The following NAALADL2 variants were observed in gnomAD, a reference collection of about 807,000 sequenced individuals.
NAALADL2 encodes inactive N-acetylated-alpha-linked acidic dipeptidase-like protein 2.
Under a neutral mutation model 87.2 loss-of-function variants are expected in NAALADL2, and 76 were observed. The ratio of observed to expected loss-of-function variants is 0.87; its 90% confidence interval spans 0.72 to 1.05. The LOEUF is 1.05. Among genes scored for constraint, NAALADL2 ranks in the 50% least tolerant of loss-of-function variants. The probability of loss-of-function intolerance (pLI) is 0.00; values close to 1 mark genes in which losing one functional copy is unlikely to be tolerated. For synonymous variants in NAALADL2, 354 were observed against 331.0 expected (o/e 1.07, Z -0.75); for missense variants, 1,089 against 945.8 (o/e 1.15, Z -1.99).
upstream of NAALADL2, among the ~76,000 whole-genome samples, chr3:174,857,573 G>A (rs1560292325): frequency 6.6e-6 from 1 of 152,128 alleles, no homozygotes; most frequent in Non-Finnish European, 1.5e-5. Flanking sequence ...TGATATGTGT[G>A]TTGGTCCTTT....
At chr3:175,624,246 T>C (rs999138848) in intron 10 of NAALADL2, among the ~76,000 whole-genome samples, 2 of 151,512 alleles carry the variant, frequency 1.3e-5, no homozygotes, top group African/African-American at 4.8e-5. Flanking sequence ...CCTCAGTCAT[T>C]TTTTTAAGTC....
chr3:175,413,369 A>C (rs561599934), intron 5 of NAALADL2, among the ~76,000 whole-genome samples: 35 of 151,054 alleles, frequency 2.3e-4, no homozygotes, highest in Non-Finnish European at 4.4e-4. Context: ...CAAGAGATAG[A>C]GACCATCCTG....
At chr3:174,527,551 TC>T (rs1328167649) in intron 1 of NAALADL2, among the ~76,000 whole-genome samples, 1 of 152,038 alleles carries the variant, frequency 6.6e-6, no homozygotes, top group Non-Finnish European at 1.5e-5. Flanking sequence ...CTTTTATTTT[TC>T]TTTTTAAGTG....
At chr3:175,078,927 C>T (rs1164604001) in intron 1 of NAALADL2, among the ~76,000 whole-genome samples, 2 of 152,166 alleles carry the variant, frequency 1.3e-5, no homozygotes, top group East Asian at 3.8e-4. Context: ...GTTATGTTTT[C>T]ATTTCTCTTG....
At chr3:174,492,283 G>T (rs73172531) in intron 1 of NAALADL2, among the ~76,000 whole-genome samples, 1 of 78,908 alleles carries the variant, frequency 1.3e-5, no homozygotes, top group Admixed American at 1.3e-4. Context: ...AAAAAAAAAA[G>T]AAAAAAAGAA....
At chr3:174,738,354 A>G (rs963963703) in intron 3 of NAALADL2, among the ~76,000 whole-genome samples, 1 of 152,220 alleles carries the variant, frequency 6.6e-6, no homozygotes, top group Non-Finnish European at 1.5e-5. Flanking sequence ...AGCCAGTATA[A>G]CCACCAACAC....
At position 175,398,827 on chromosome 3, in the gene NAALADL2, A is replaced by G. The variant is rs74750853; in HGVS notation, c.1091-48402A>G. Among the ~76,000 whole-genome samples, 671 of 152,108 alleles carry G rather than the reference A, an allele frequency of 4.4e-3. 12 individuals carry two copies. Among genetic ancestry groups the G allele is most frequent in the African/African-American group, 0.015 (643 of 41,502 alleles). ...TTATTATTGTATGAATACACTATTT[A>G]TGTTACAGGATAGGGGTCCCGATCC... On this transcript the variant is annotated intron_variant, in intron 5 of 13. Coordinates refer to ENST00000454872, the MANE Select transcript of NAALADL2 (RefSeq NM_207015.3).
intron 1 of NAALADL2, among the ~76,000 whole-genome samples, chr3:175,012,768 AT>A (rs892973516): frequency 1.4e-4 from 21 of 151,986 alleles, no homozygotes; most frequent in Middle Eastern, 3.4e-3. Context: ...GCCTCAAAGC[AT>A]AAGTACCCAG....
chr3:175,075,330 G>A lies in NAALADL2; in HGVS notation c.44-21460G>A, dbSNP rs189522560. On this transcript the variant is annotated intron_variant, in intron 1 of 13. Transcript: ENST00000454872. ...TCTCTTTTAGTCTGCTTTATGCAAA[G>A]CTTATTATGTTGTTACATATCAGTC... Among the ~76,000 whole-genome samples the A allele has an allele frequency of 3.4e-3, 522 of 151,614 alleles. 3 individuals are homozygous for A. Among genetic ancestry groups the A allele is most frequent in the Admixed American group, 5.1e-3 (78 of 15,260 alleles).
At chr3:174,499,415 A>G (rs947258084) in intron 1 of NAALADL2, among the ~76,000 whole-genome samples, 17 of 152,162 alleles carry the variant, frequency 1.1e-4, no homozygotes, top group Non-Finnish European at 1.3e-4. Context: ...TAGCAGAAGT[A>G]TTTAATTTTG....
intron 1 of NAALADL2, among the ~76,000 whole-genome samples, chr3:175,084,107 G>A (rs1445124224): frequency 6.6e-6 from 1 of 152,152 alleles, no homozygotes; most frequent in Non-Finnish European, 1.5e-5. Flanking sequence ...TGCAGAATAG[G>A]ATTTTAAGCA....
At chr3:174,938,508 T>C (rs1738050486) in intron 1 of NAALADL2, among the ~76,000 whole-genome samples, 2 of 152,106 alleles carry the variant, frequency 1.3e-5, no homozygotes, top group South Asian at 2.1e-4. Context: ...GTCTGTATGA[T>C]AGAATGATTT....
chr3:174,612,523 A>C (rs1333786791), intron 2 of NAALADL2, among the ~76,000 whole-genome samples: 1 of 151,984 alleles, frequency 6.6e-6, no homozygotes, highest in Non-Finnish European at 1.5e-5. Context: ...CAAATAGCCT[A>C]CCTTCAAGCT....
intron 1 of NAALADL2, among the ~76,000 whole-genome samples, chr3:175,020,924 G>A (rs1327980081): frequency 2.0e-5 from 3 of 152,010 alleles, no homozygotes; most frequent in African/African-American, 7.2e-5. Flanking sequence ...GGGAAGCTTG[G>A]TTTGCAATAG....
intron 1 of NAALADL2, among the ~76,000 whole-genome samples, chr3:174,951,789 A>G (rs1176324055): frequency 1.3e-5 from 2 of 152,036 alleles, no homozygotes; most frequent in African/African-American, 2.4e-5. Flanking sequence ...TTATTTTTCT[A>G]TTATTACCCC....
chr3:175,313,993 C>T (rs549412914), intron 4 of NAALADL2, among the ~76,000 whole-genome samples: 2 of 147,230 alleles, frequency 1.4e-5, no homozygotes, highest in African/African-American at 5.0e-5. Flanking sequence ...ACCCGGGAGG[C>T]GGAGGCTGCA....
chr3:174,713,618 G>A (rs1358079966), intron 2 of NAALADL2, among the ~76,000 whole-genome samples: 6 of 152,180 alleles, frequency 3.9e-5, no homozygotes, highest in African/African-American at 1.4e-4. Flanking sequence ...AGAAGTGTCT[G>A]TTCATATTGT....
Position 174,553,659 on chromosome 3 carries a change from T to C in NAALADL2, c.-115+3022T>C, listed in dbSNP as rs142853549. On this transcript the variant is annotated intron_variant, in intron 2 of 3. Transcript: ENST00000434257. ...ATCTTTAACATTTGATGTATATATC[T>C]TCATCTAGGACACTTAGCTGCATGG... 5.3e-5 allele frequency among the ~76,000 whole-genome samples: 8 copies of C among 152,288 alleles called. No homozygotes were observed. In the East Asian group the frequency reaches 7.7e-4, roughly 15 times the overall value.
At chr3:175,473,734 A>G (rs905355114) in intron 9 of NAALADL2, among the ~76,000 whole-genome samples, 2 of 152,106 alleles carry the variant, frequency 1.3e-5, no homozygotes, top group Admixed American at 1.3e-4. Flanking sequence ...GATTTAATTA[A>G]AACAATTCAC....
Sources: gnomAD v4.1 joint callset for allele counts (sites outside exome capture counted in the v4.1 genomes callset) on GRCh38, gnomAD v4.1.1 for gene constraint, MANE v1.5 for transcripts, NCBI Gene and HGNC (gene_info 2026-07-23, HGNC 2026-07-21) for gene names.